FLRT2: variants seen among roughly 807,000 people sequenced by gnomAD.
FLRT2 encodes leucine-rich repeat transmembrane protein FLRT2.
In FLRT2, 15 loss-of-function variants were observed where a neutral mutation model predicts 40.0. That is an observed-to-expected ratio of 0.38 (90% CI 0.25 to 0.58). The LOEUF (loss-of-function observed/expected upper bound fraction) is 0.58, where lower values mean the gene tolerates loss of function less well. Ranked by LOEUF, FLRT2 falls within the 20% of genes least tolerant of loss-of-function variation. The probability of loss-of-function intolerance (pLI) is 0.71; values close to 1 mark genes in which losing one functional copy is unlikely to be tolerated. For missense variants in FLRT2, 726 were observed against 840.0 expected (o/e 0.86, Z 1.68); for synonymous variants, 380 against 336.8 (o/e 1.13, Z -1.41).
Position 85,643,219 on chromosome 14 carries a change from G to A in FLRT2, c.*19722G>A, listed in dbSNP as rs372264719. The A allele has an allele frequency of 3.9e-5, 6 of 152,166 alleles. No individual in the cohort carries two copies. Among genetic ancestry groups the A allele is most frequent in the Admixed American group, 6.5e-5 (1 of 15,278 alleles). 9.4% of individuals were successfully genotyped at this position (152,166 alleles called of 1,614,324 possible). ...CCATAACAGGGAGATAGGAACATTG[G>A]AGTAACCCATCATATGATTCACTTT... On this transcript the variant is annotated 3_prime_UTR_variant, in exon 2 of 2. Coordinates refer to ENST00000330753, the MANE Select transcript of FLRT2 (RefSeq NM_013231.6).
intron 1 of FLRT2, among the ~76,000 whole-genome samples, chr14:85,617,930 CT>C (rs1893206037): frequency 6.6e-6 from 1 of 152,278 alleles, no homozygotes; most frequent in African/African-American, 2.4e-5. Flanking sequence ...TTATTAGGAG[CT>C]TTCTTCAGAA....
At chr14:85,581,585 C>T (rs952720311) in intron 1 of FLRT2, among the ~76,000 whole-genome samples, 1 of 152,098 alleles carries the variant, frequency 6.6e-6, no homozygotes, top group East Asian at 1.9e-4. Context: ...AAGTTGACTC[C>T]AGAATGGAGA....
rs1893850713 is a variant in FLRT2 at position 85,630,910 on chromosome 14, T to A, written c.*7413T>A. On this transcript the variant is annotated 3_prime_UTR_variant, in exon 2 of 2. Transcript: ENST00000330753. Reference sequence around the variant, plus strand: ...CACATTGAAGGACAAAGGGTAATCATAATCTATAAGGAATGCCTGAGTACG... The same window carrying A: ...CACATTGAAGGACAAAGGGTAATCAAAATCTATAAGGAATGCCTGAGTACG... 1 of 151,852 alleles carries A rather than the reference T, an allele frequency of 6.6e-6. No homozygotes were observed. Among genetic ancestry groups the A allele is most frequent in the Admixed American group, 6.6e-5 (1 of 15,244 alleles). The allele number at this position is 151,852 out of a possible 1,614,324, so 9.4% of individuals were successfully genotyped here. A position where few individuals can be genotyped will look rare whatever the true frequency, so the allele number is the denominator to read the frequency against.
chr14:85,541,760 T>C (rs1197463649), intron 1 of FLRT2, among the ~76,000 whole-genome samples: 1 of 152,144 alleles, frequency 6.6e-6, no homozygotes, highest in African/African-American at 2.4e-5. Flanking sequence ...TGGACTTTAT[T>C]TGTTCATTGA....
At chr14:85,557,771 T>C (rs10145377) in intron 1 of FLRT2, among the ~76,000 whole-genome samples, 8,128 of 152,212 alleles carry the variant, frequency 0.053, 725 homozygotes, top group African/African-American at 0.18. Context: ...GAGCCGAGAT[T>C]GCACCACTGC....
At chr14:85,537,226 C>A (rs1023966128) in intron 1 of FLRT2, among the ~76,000 whole-genome samples, 32 of 151,918 alleles carry the variant, frequency 2.1e-4, no homozygotes, top group Admixed American at 2.1e-3. Flanking sequence ...CAATTTTAGC[C>A]GATTATTTCA....
intron 1 of FLRT2, chr14:85,552,784 T>C (rs1042326764): frequency 2.9e-4 from 44 of 152,294 alleles, no homozygotes; most frequent in Admixed American, 2.8e-3. Flanking sequence ...GGAGGGCTGA[T>C]TATGGCGCCT....
At chr14:85,565,550 T>A (rs560664623) in intron 1 of FLRT2, among the ~76,000 whole-genome samples, 55 of 152,240 alleles carry the variant, frequency 3.6e-4, no homozygotes, top group African/African-American at 1.3e-3. Flanking sequence ...GTGATCAAAA[T>A]TTTTTTTATT....
chr14:85,645,166 G>GTA lies in FLRT2; in HGVS notation c.*21670_*21671insAT, dbSNP rs1894262573. 6.7e-6 allele frequency: 1 copy of GTA among 149,758 alleles called. No individual in the cohort carries two copies. The highest frequency in any genetic ancestry group is 1.5e-5 in the Non-Finnish European group (1 of 67,918). 9.3% of individuals were successfully genotyped at this position (149,758 alleles called of 1,614,324 possible). ...AAAGTATATATATACACACATATGTGTGTATGTATATGTATACCTATATAT... is the reference window on the plus strand; with the variant it reads ...AAAGTATATATATACACACATATGTGTATGTATGTATATGTATACCTATATAT... On this transcript the variant is annotated 3_prime_UTR_variant, in exon 2 of 2. Transcript: ENST00000330753.
intron 1 of FLRT2, among the ~76,000 whole-genome samples, chr14:85,590,971 C>T (rs1364858002): frequency 2.0e-5 from 3 of 152,142 alleles, no homozygotes; most frequent in African/African-American, 7.2e-5. Flanking sequence ...ATCACTCTTT[C>T]CTCTGAATTT....
At chr14:85,557,884 A>G (rs1424012942) in intron 1 of FLRT2, among the ~76,000 whole-genome samples, 2 of 152,200 alleles carry the variant, frequency 1.3e-5, no homozygotes, top group Non-Finnish European at 2.9e-5. Flanking sequence ...TCTCAGAGCT[A>G]CTTTGCTTAT....
chr14:85,635,566 A>G lies in FLRT2; in HGVS notation c.*12069A>G, dbSNP rs1893980025. On this transcript the variant is annotated 3_prime_UTR_variant, in exon 2 of 2. Coordinates refer to ENST00000330753, the MANE Select transcript of FLRT2 (RefSeq NM_013231.6). Reference sequence around the variant, plus strand: ...TTCAAGCCATTATATAACAGCTATTAAACCCTAATATTTGACAGAGAAAGA... The same window carrying G: ...TTCAAGCCATTATATAACAGCTATTGAACCCTAATATTTGACAGAGAAAGA... 1 of 152,110 alleles carries G rather than the reference A, an allele frequency of 6.6e-6. No homozygotes were observed. The highest frequency in any genetic ancestry group is 2.1e-4 in the South Asian group (1 of 4,826). The allele number at this position is 152,110 out of a possible 1,614,324, so 9.4% of individuals were successfully genotyped here. A position where few individuals can be genotyped will look rare whatever the true frequency, so the allele number is the denominator to read the frequency against.
chr14:85,531,401 G>A (rs1339366855), intron 1 of FLRT2, among the ~76,000 whole-genome samples: 1 of 152,224 alleles, frequency 6.6e-6, no homozygotes, highest in African/African-American at 2.4e-5. Flanking sequence ...CCGCCGCGCT[G>A]ACCAGTACGG....
At chr14:85,577,367 A>G (rs1272635959) in intron 1 of FLRT2, among the ~76,000 whole-genome samples, 1 of 152,166 alleles carries the variant, frequency 6.6e-6, no homozygotes, top group Non-Finnish European at 1.5e-5. Flanking sequence ...TGCTCTTACA[A>G]AATTCCTGTT....
At chr14:85,618,751 C>T (rs1893249545) in intron 1 of FLRT2, among the ~76,000 whole-genome samples, 1 of 152,172 alleles carries the variant, frequency 6.6e-6, no homozygotes, top group Non-Finnish European at 1.5e-5. Context: ...ATAAGATGTT[C>T]ATAGTGCTTC....
intron 1 of FLRT2, among the ~76,000 whole-genome samples, chr14:85,607,302 G>A (rs1360473248): frequency 6.6e-6 from 1 of 152,156 alleles, no homozygotes; most frequent in Admixed American, 6.6e-5. Context: ...TTAGATTTGG[G>A]AGCCAATGGT....
intron 1 of FLRT2, among the ~76,000 whole-genome samples, chr14:85,588,499 T>C (rs1376195966): frequency 4.6e-5 from 7 of 151,660 alleles, no homozygotes; most frequent in Non-Finnish European, 7.4e-5. Flanking sequence ...GGGTACATAG[T>C]AGGTGTATAT....
At chr14:85,604,489 A>G (rs1285531725) in intron 1 of FLRT2, among the ~76,000 whole-genome samples, 1 of 152,152 alleles carries the variant, frequency 6.6e-6, no homozygotes, top group Non-Finnish European at 1.5e-5. Flanking sequence ...CATAATTCAC[A>G]GTAGTATTGT....
rs752322484 is a variant in FLRT2 at position 85,647,629 on chromosome 14, C to A, written c.*24132C>A. The A allele has an allele frequency of 5.3e-5, 8 of 151,058 alleles. No homozygotes were observed. Among genetic ancestry groups the A allele is most frequent in the Non-Finnish European group, 1.0e-4 (7 of 67,944 alleles). 9.4% of individuals were successfully genotyped at this position (151,058 alleles called of 1,614,324 possible). On this transcript the variant is annotated 3_prime_UTR_variant, in exon 2 of 2. Transcript: ENST00000330753. ...AAGAAGTTACGTGTATTAACTGGAACAATTGGTCCTGATTATTAAGGAGAG... is the reference window on the plus strand; with the variant it reads ...AAGAAGTTACGTGTATTAACTGGAAAAATTGGTCCTGATTATTAAGGAGAG...
Sources: gnomAD v4.1 joint callset for allele counts (sites outside exome capture counted in the v4.1 genomes callset) on GRCh38, gnomAD v4.1.1 for gene constraint, MANE v1.5 for transcripts, NCBI Gene and HGNC (gene_info 2026-07-23, HGNC 2026-07-21) for gene names.